Variants in SHANK2 observed in about 807,000 individuals in gnomAD.
SHANK2 encodes SH3 and multiple ankyrin repeat domains 2, also known as SH3 and multiple ankyrin repeat domains protein 2.
In SHANK2, 43 loss-of-function variants were observed where a neutral mutation model predicts 133.7. The ratio of observed to expected loss-of-function variants is 0.32; its 90% confidence interval spans 0.25 to 0.41. The LOEUF is 0.41. Among genes scored for constraint, SHANK2 ranks in the 10% least tolerant of loss-of-function variants. The pLI is 1.00. For missense variants in SHANK2, 1,994 were observed against 2,235.8 expected, an observed-to-expected ratio of 0.89 and a Z score of 2.18; for synonymous variants, 1,017 against 952.8, an observed-to-expected ratio of 1.07 and a Z score of -1.24.
intron 17 of SHANK2, chr11:70,633,862 T>C (rs1442792552): frequency 6.6e-6 from 1 of 152,144 alleles, no homozygotes; most frequent in African/African-American, 2.4e-5. Flanking sequence ...GGGCCCAACA[T>C]TAACAGCGCT....
chr11:70,928,090 A>G (rs1950453066), intron 10 of SHANK2, among the ~76,000 whole-genome samples: 1 of 152,136 alleles, frequency 6.6e-6, no homozygotes, highest in South Asian at 2.1e-4. Flanking sequence ...ATGTACACAT[A>G]TATACATGTA....
chr11:70,831,860 G>A (rs541943736), intron 11 of SHANK2, among the ~76,000 whole-genome samples: 1 of 152,198 alleles, frequency 6.6e-6, no homozygotes, highest in East Asian at 1.9e-4. Context: ...AGAGCCGGAC[G>A]TGGGAGTCAA....
At position 70,660,741 on chromosome 11, in the gene SHANK2, C is replaced by G. The variant is rs2134268325; in HGVS notation, c.1937-789G>C. Among the ~76,000 whole-genome samples the G allele has an allele frequency of 1.3e-5, 2 of 152,350 alleles. 1 individual carries two copies. The highest frequency in any genetic ancestry group is 1.3e-4 in the Admixed American group (2 of 15,304). ...GATGCTCTCACAGAGACAGATGCAT[C>G]TGCTCTTTCTCTCTCTGGACAGCTC... On this transcript the variant is annotated intron_variant, in intron 16 of 25. Coordinates refer to ENST00000601538, the MANE Select transcript of SHANK2 (RefSeq NM_012309.5).
chr11:71,247,237 G>C (rs1382622869), intron 1 of SHANK2, among the ~76,000 whole-genome samples: 1 of 152,234 alleles, frequency 6.6e-6, no homozygotes, highest in Non-Finnish European at 1.5e-5. Context: ...AGTGGGTAAA[G>C]AGTCAGGCAA....
At chr11:71,110,096 C>G (rs1555098847) in intron 5 of SHANK2, 47 bp from the exon 6 acceptor site, 1 of 1,367,392 alleles carries the variant, frequency 7.3e-7, no homozygotes, top group East Asian at 2.5e-5. Context: ...AAGAAATGTC[C>G]CAACCTGAGC....
At chr11:71,111,177 A>G (rs782795733) in intron 5 of SHANK2, among the ~76,000 whole-genome samples, 2 of 152,358 alleles carry the variant, frequency 1.3e-5, no homozygotes, top group African/African-American at 4.8e-5. Context: ...GCTGAGAGCT[A>G]TGAATGCTCC....
chr11:70,583,952 C>G (rs1554986097), intron 17 of SHANK2, among the ~76,000 whole-genome samples: 1 of 152,234 alleles, frequency 6.6e-6, no homozygotes, highest in East Asian at 1.9e-4. Context: ...CTCAGCCCAG[C>G]TGCACAGCCC....
chr11:70,781,050 G>C (rs1197923844), intron 14 of SHANK2, among the ~76,000 whole-genome samples: 1 of 152,044 alleles, frequency 6.6e-6, no homozygotes, highest in East Asian at 1.9e-4. Context: ...GATGGTGTTT[G>C]TGTCGGTTCT....
intron 14 of SHANK2, among the ~76,000 whole-genome samples, chr11:70,749,354 G>A (rs1946710398): frequency 2.0e-5 from 3 of 152,252 alleles, no homozygotes; most frequent in Admixed American, 6.5e-5. Context: ...GCTTAAATGA[G>A]TGATCTGAGA....
intron 17 of SHANK2, among the ~76,000 whole-genome samples, chr11:70,565,005 C>G (rs2059950820): frequency 6.6e-6 from 1 of 152,198 alleles, no homozygotes; most frequent in Non-Finnish European, 1.5e-5. Context: ...TCCTTGTCTG[C>G]TAACTCTAAC....
At chr11:70,912,432 T>C (rs1343808492) in intron 10 of SHANK2, among the ~76,000 whole-genome samples, 2 of 152,184 alleles carry the variant, frequency 1.3e-5, no homozygotes, top group East Asian at 3.9e-4. Context: ...GGGGCCGGTC[T>C]TTCCCATGCT....
rs182152739 is a variant in SHANK2 at position 70,646,292 on chromosome 11, G to C, written c.2061+13536C>G. Reference sequence around the variant, plus strand: ...AGACGCACCTGAGCCCTCCAGGGTGGTCAAAGGTAAGGAAGCTTGTGTCCC... The same window carrying C: ...AGACGCACCTGAGCCCTCCAGGGTGCTCAAAGGTAAGGAAGCTTGTGTCCC... On this transcript the variant is annotated intron_variant, in intron 17 of 25. Transcript: ENST00000601538. 2.6e-5 allele frequency: 4 copies of C among 152,338 alleles called. No individual in the cohort carries two copies. In the East Asian group the frequency reaches 7.7e-4, roughly 30 times the overall value. 9.4% of individuals were successfully genotyped at this position (152,338 alleles called of 1,614,324 possible).
At chr11:70,678,010 C>T (rs1944936317) in intron 15 of SHANK2, among the ~76,000 whole-genome samples, 1 of 152,176 alleles carries the variant, frequency 6.6e-6, no homozygotes, top group Non-Finnish European at 1.5e-5. Flanking sequence ...AGGGGGCCCC[C>T]TCCAAAGACA....
intron 2 of SHANK2, among the ~76,000 whole-genome samples, chr11:71,195,026 C>T (rs534340700): frequency 3.3e-5 from 5 of 152,342 alleles, no homozygotes; most frequent in Admixed American, 1.3e-4. Flanking sequence ...AGCCACCTGA[C>T]GCGTGTTGTA....
In SHANK2 at chr11:70,807,642, C is replaced by T. The variant is rs1442474954; in HGVS notation, c.1494-471G>A. Among the ~76,000 whole-genome samples, 16 of 152,230 alleles carry T rather than the reference C, an allele frequency of 1.1e-4. No homozygotes were observed. The highest frequency in any genetic ancestry group is 3.6e-4 in the African/African-American group (15 of 41,534). Reference sequence around the variant, plus strand: ...ATCACGAGTTCGGGACCAGCACGGCCAACATGGTGAAACCTCGTTGGTACT... The same window carrying T: ...ATCACGAGTTCGGGACCAGCACGGCTAACATGGTGAAACCTCGTTGGTACT... On this transcript the variant is annotated intron_variant, in intron 12 of 25. Transcript: ENST00000601538. The surrounding 1 kb of genome is among the most constrained non-coding windows in gnomAD (Gnocchi z 4.8).
At chr11:70,566,186 C>A (rs1361809588) in intron 17 of SHANK2, among the ~76,000 whole-genome samples, 1 of 152,122 alleles carries the variant, frequency 6.6e-6, no homozygotes, top group Non-Finnish European at 1.5e-5. Context: ...AGTTATCTCC[C>A]ACTGGGTCCC....
intron 8 of SHANK2, among the ~76,000 whole-genome samples, chr11:71,090,185 T>TGA (rs1951482954): frequency 4.1e-5 from 6 of 145,310 alleles, no homozygotes; most frequent in Non-Finnish European, 4.5e-5. Context: ...TGTGTGTGTG[T>TGA]GTGTGTGTGT....
intron 15 of SHANK2, chr11:70,662,055 G>A (rs1270735146): frequency 4.0e-6 from 2 of 500,736 alleles, no homozygotes; most frequent in Non-Finnish European, 7.3e-6. Flanking sequence ...CGGCGGCAGC[G>A]GCGGCCTCAG....
At position 70,659,807 on chromosome 11, in the gene SHANK2, TAC is replaced by T. The variant is rs2061458115; in HGVS notation, c.2061+19_2061+20del. 2.5e-6 allele frequency: 4 copies of T among 1,613,972 alleles called. No homozygotes were observed. In the South Asian group the frequency reaches 3.3e-5, roughly 13 times the overall value. On this transcript the variant is annotated intron_variant, in intron 17 of 25. Transcript: ENST00000601538. ...TCGGCGCTCTCCCCAAGCAGAAAGATACAGACACCTGTGTCCCTACCTCAATC... is the reference window on the plus strand; with the variant it reads ...TCGGCGCTCTCCCCAAGCAGAAAGATAGACACCTGTGTCCCTACCTCAATC...
Sources: allele counts gnomAD v4.1 joint callset (sites outside exome capture counted in the v4.1 genomes callset), GRCh38; gene constraint gnomAD v4.1.1; non-coding constraint Gnocchi (gnomAD v3.1); transcripts MANE v1.5; gene names NCBI Gene and HGNC (gene_info 2026-07-23, HGNC 2026-07-21).